Variants in DOCK9 observed in about 807,000 individuals in gnomAD.
DOCK9 encodes dedicator of cytokinesis 9.
A neutral mutation model predicts 263.3 loss-of-function variants in DOCK9; 89 were observed. The observed-to-expected ratio is 0.34, with a 90% CI of 0.28 to 0.40. The LOEUF (loss-of-function observed/expected upper bound fraction) is 0.40. Ranked by LOEUF, DOCK9 falls within the 10% of genes least tolerant of loss-of-function variation. The pLI, the probability that DOCK9 is intolerant of heterozygous loss-of-function variation, is 1.00. For synonymous variants in DOCK9, 976 were observed against 973.1 expected, an observed-to-expected ratio of 1.00 and a Z score of -0.06; for missense variants, 2,140 against 2,603.4, an observed-to-expected ratio of 0.82 and a Z score of 3.87.
chr13:98,878,525 T>G (rs1189035287), intron 27 of DOCK9, among the ~76,000 whole-genome samples: 2 of 152,244 alleles, frequency 1.3e-5, no homozygotes, highest in Non-Finnish European at 2.9e-5. Context: ...GTAATATATC[T>G]ACATGATGTG....
At chr13:98,819,059 A>G (rs1310227020) in intron 45 of DOCK9, among the ~76,000 whole-genome samples, 3 of 152,218 alleles carry the variant, frequency 2.0e-5, no homozygotes, top group Admixed American at 6.5e-5. Flanking sequence ...ATCACAGCAT[A>G]ATGCACATTT....
rs2092696914 is a variant in DOCK9, at chr13:98,829,985, C to G, written c.4636-229G>C. Among the ~76,000 whole-genome samples, 1 of 152,178 alleles carries G rather than the reference C, an allele frequency of 6.6e-6. No homozygotes were observed. Among genetic ancestry groups the G allele is most frequent in the Admixed American group, 6.5e-5 (1 of 15,280 alleles). On this transcript the variant is annotated intron_variant, in intron 41 of 52. Coordinates refer to ENST00000682017, the MANE Select transcript of DOCK9 (RefSeq NM_001366683.2). This position sits in a 1 kb window ranked among gnomAD's most constrained non-coding sequence, Gnocchi z 4.1. ...TCCTTAAAAAACACTGTTTGCAAAG[C>G]AAAATGCTGATCAGGAGAGCAAAGG...
intron 1 of DOCK9, among the ~76,000 whole-genome samples, chr13:99,039,304 A>G (rs140043693): frequency 7.1e-4 from 108 of 152,072 alleles, no homozygotes; most frequent in Non-Finnish European, 1.4e-3. Flanking sequence ...AATAAAACCT[A>G]TAATTGATGG....
At chr13:99,031,673 G>A (rs375462460) in intron 1 of DOCK9, among the ~76,000 whole-genome samples, 1 of 152,182 alleles carries the variant, frequency 6.6e-6, no homozygotes, top group Non-Finnish European at 1.5e-5. Context: ...GTTCAGTAAG[G>A]GGTCAGGTGT....
intron 1 of DOCK9, among the ~76,000 whole-genome samples, chr13:99,031,289 G>A (rs1299383110): frequency 6.6e-6 from 1 of 152,152 alleles, no homozygotes; most frequent in Non-Finnish European, 1.5e-5. Context: ...TAAGCCATGA[G>A]ACGTGGGTCA....
At chr13:99,044,099 A>AGG (rs1235123698) in intron 1 of DOCK9, among the ~76,000 whole-genome samples, 3 of 152,252 alleles carry the variant, frequency 2.0e-5, no homozygotes, top group African/African-American at 7.2e-5. Context: ...ACAATAGCTC[A>AGG]GGGAGACTCA....
chr13:98,964,886 G>A (rs1246121365), intron 1 of DOCK9, among the ~76,000 whole-genome samples: 2 of 152,212 alleles, frequency 1.3e-5, no homozygotes, highest in African/African-American at 4.8e-5. Context: ...ATGGGCCAGT[G>A]CCCTCCCATC....
At chr13:98,915,603 T>A in intron 7 of DOCK9, 100 bp from the exon 8 acceptor site, 1 of 1,197,688 alleles carries the variant, frequency 8.3e-7, no homozygotes, top group Non-Finnish European at 1.1e-6. Flanking sequence ...CATTGGCATT[T>A]AGAACCAAGC....
chr13:99,081,591 C>G (rs1229037452), intron 1 of DOCK9, among the ~76,000 whole-genome samples: 1 of 152,192 alleles, frequency 6.6e-6, no homozygotes, highest in African/African-American at 2.4e-5. Context: ...AGGGATGTGA[C>G]CTGATATTCA....
At chr13:98,973,700 C>A (rs1023763548) in intron 1 of DOCK9, among the ~76,000 whole-genome samples, 1 of 152,156 alleles carries the variant, frequency 6.6e-6, no homozygotes, top group African/African-American at 2.4e-5. Flanking sequence ...CAGGCTCAAG[C>A]AATCCTCCCA....
intron 2 of DOCK9, among the ~76,000 whole-genome samples, chr13:98,932,902 T>C (rs1022568682): frequency 4.6e-5 from 7 of 152,208 alleles, no homozygotes; most frequent in Non-Finnish European, 8.8e-5. Context: ...GTGACCTTTA[T>C]TACACATCTG....
intron 1 of DOCK9, among the ~76,000 whole-genome samples, chr13:99,064,415 C>T (rs1003382070): frequency 1.3e-5 from 2 of 152,092 alleles, no homozygotes; most frequent in Non-Finnish European, 2.9e-5. Context: ...GCAAAGAAAT[C>T]TAAGAGGAGG....
At chr13:98,879,819 T>A (rs974901537) in intron 27 of DOCK9, 79 bp downstream of exon 27, 26 of 1,218,388 alleles carry the variant, frequency 2.1e-5, no homozygotes, top group Non-Finnish European at 3.0e-5. Flanking sequence ...AGAGAAAGCA[T>A]GAAGAAACGT....
rs574485686 is a variant in DOCK9, at chr13:98,863,733, T to C, written c.3287-185A>G. 2.0e-4 allele frequency among the ~76,000 whole-genome samples: 30 copies of C among 152,346 alleles called. No homozygotes were observed. Among genetic ancestry groups the C allele is most frequent in the African/African-American group, 7.0e-4 (29 of 41,576 alleles). On this transcript the variant is annotated intron_variant, in intron 30 of 52. Transcript: ENST00000682017. Reference sequence around the variant, plus strand: ...CAATTCTACAAGGCTGCTCTACTTCTTAGCACAGGAGGATCTTAAATGAAA... The same window carrying C: ...CAATTCTACAAGGCTGCTCTACTTCCTAGCACAGGAGGATCTTAAATGAAA...
At chr13:99,009,910 A>G (rs12873139) in intron 1 of DOCK9, among the ~76,000 whole-genome samples, 13,431 of 152,156 alleles carry the variant, frequency 0.088, 721 homozygotes, top group African/African-American at 0.15. Flanking sequence ...AAGTTTATAT[A>G]GTACTAAAGT....
chr13:99,003,745 A>T (rs1364219138), intron 1 of DOCK9, among the ~76,000 whole-genome samples: 1 of 151,836 alleles, frequency 6.6e-6, no homozygotes, highest in Non-Finnish European at 1.5e-5. Flanking sequence ...GGCCACCATC[A>T]CCTGTGACCC....
intron 2 of DOCK9, among the ~76,000 whole-genome samples, chr13:98,936,239 C>T (rs916144615): frequency 1.3e-5 from 2 of 152,058 alleles, no homozygotes; most frequent in Non-Finnish European, 2.9e-5. Context: ...ACTCCATTAT[C>T]CAAAACTCTC....
At chr13:99,072,245 G>A (rs1038351179) in intron 1 of DOCK9, among the ~76,000 whole-genome samples, 26 of 152,094 alleles carry the variant, frequency 1.7e-4, no homozygotes, top group African/African-American at 6.3e-4. Flanking sequence ...TTCTATTTGG[G>A]TTGTCTTCCA....
At chr13:99,019,750 C>T (rs1885849318) in intron 1 of DOCK9, among the ~76,000 whole-genome samples, 1 of 152,128 alleles carries the variant, frequency 6.6e-6, no homozygotes. Flanking sequence ...GGAGATCCAT[C>T]CCGTTTCTGT....
Sources: allele counts gnomAD v4.1 joint callset (sites outside exome capture counted in the v4.1 genomes callset), GRCh38; gene constraint gnomAD v4.1.1; non-coding constraint Gnocchi (gnomAD v3.1); transcripts MANE v1.5; gene names NCBI Gene and HGNC (gene_info 2026-07-23, HGNC 2026-07-21).